Variants in ATP9B observed in about 807,000 individuals in gnomAD.
ATP9B encodes the protein probable phospholipid-transporting ATPase IIB.
Under a neutral mutation model 146.1 loss-of-function variants are expected in ATP9B, and 110 were observed. The ratio of observed to expected loss-of-function variants is 0.75; its 90% CI spans 0.65 to 0.88. The LOEUF (loss-of-function observed/expected upper bound fraction) is 0.88. ATP9B is among the 40% of genes least tolerant of loss of function. The pLI is 0.00. For missense variants in ATP9B, 1,499 were observed against 1,496.4 expected, an observed-to-expected ratio of 1.00 and a Z score of -0.03; for synonymous variants, 604 against 569.7, an observed-to-expected ratio of 1.06 and a Z score of -0.86.
chr18:79,121,523 A>T (rs1332436602), intron 4 of ATP9B, among the ~76,000 whole-genome samples: 1 of 152,188 alleles, frequency 6.6e-6, no homozygotes, highest in Admixed American at 6.5e-5. Context: ...CCATTTAAGA[A>T]CTCAGATCTA....
chr18:79,317,281 A>AT (rs1399823034), intron 15 of ATP9B, among the ~76,000 whole-genome samples: 1 of 152,174 alleles, frequency 6.6e-6, no homozygotes, highest in Non-Finnish European at 1.5e-5. Context: ...AGTAAAACTT[A>AT]TTTTTTTCAA....
At chr18:79,265,592 A>G (rs1002786643) in intron 12 of ATP9B, among the ~76,000 whole-genome samples, 8 of 150,376 alleles carry the variant, frequency 5.3e-5, no homozygotes, top group Non-Finnish European at 1.0e-4. Context: ...TGGATATTAA[A>G]CCTTTGTCAG....
At chr18:79,294,211 T>C (rs1299281835) in intron 13 of ATP9B, among the ~76,000 whole-genome samples, 1 of 152,238 alleles carries the variant, frequency 6.6e-6, no homozygotes, top group African/African-American at 2.4e-5. Flanking sequence ...TTTTTGCATT[T>C]AGAAATGCCA....
At chr18:79,295,605 A>G (rs2096542158) in intron 13 of ATP9B, among the ~76,000 whole-genome samples, 1 of 152,250 alleles carries the variant, frequency 6.6e-6, no homozygotes, top group Non-Finnish European at 1.5e-5. Context: ...CTTTATTCAC[A>G]ATGCAGTGAT....
At chr18:79,227,505 T>C (rs1600661448) in intron 11 of ATP9B, among the ~76,000 whole-genome samples, 1 of 152,138 alleles carries the variant, frequency 6.6e-6, no homozygotes, top group African/African-American at 2.4e-5. Flanking sequence ...GGTGGATGGG[T>C]AGATGGATGG....
intron 4 of ATP9B, among the ~76,000 whole-genome samples, chr18:79,121,050 T>C (rs953640506): frequency 6.6e-6 from 1 of 152,148 alleles, no homozygotes. Context: ...ATCTGTAAAT[T>C]AGAGGTAAAG....
intron 15 of ATP9B, among the ~76,000 whole-genome samples, chr18:79,311,574 G>A (rs563742389): frequency 6.6e-6 from 1 of 152,244 alleles, no homozygotes; most frequent in African/African-American, 2.4e-5. Flanking sequence ...TCTTTTTGTT[G>A]TTTAGTCAAG....
intron 8 of ATP9B, among the ~76,000 whole-genome samples, chr18:79,180,062 T>A (rs1042489423): frequency 1.3e-5 from 2 of 152,234 alleles, no homozygotes; most frequent in Non-Finnish European, 2.9e-5. Context: ...TTTTGTTCTT[T>A]ACTATTATAG....
chr18:79,261,688 T>C (rs2096143314), intron 12 of ATP9B, among the ~76,000 whole-genome samples: 1 of 152,200 alleles, frequency 6.6e-6, no homozygotes, highest in East Asian at 1.9e-4. Context: ...AGTCATTTTT[T>C]ACAAAATGCT....
chr18:79,193,193 C>T lies in ATP9B; in HGVS notation c.884C>T (p.Ser295Phe). The T allele has an allele frequency of 1.2e-6, 2 of 1,603,512 alleles. No homozygotes were observed. The highest frequency in any genetic ancestry group is 1.7e-6 in the Non-Finnish European group (2 of 1,172,640). The stretch of plus-strand genomic sequence containing the variant: ...TGTTCTGTATTCCAGGACCTTTTTT[C>T]TATCAGTGCTTATGTTTATGCTCAG... ...QQLPALGDLF[S>F]ISAYVYAQKP... is the part of the protein sequence containing the mutation. The change falls in exon 9 of 30, where the codon TCT becomes TTT. Residue 295 changes from serine to phenylalanine, a missense_variant. By Grantham distance (155) the Ser-to-Phe change is radical. Transcript: ENST00000426216.
intron 13 of ATP9B, among the ~76,000 whole-genome samples, chr18:79,281,589 A>G (rs2096377443): frequency 6.6e-6 from 1 of 152,266 alleles, no homozygotes. Context: ...AAGAAATTTT[A>G]AGAGAATGAC....
intron 19 of ATP9B, chr18:79,340,287 ATTC>A (rs1310022299): frequency 6.6e-6 from 1 of 152,170 alleles, no homozygotes; most frequent in Non-Finnish European, 1.5e-5. Flanking sequence ...TTTGCTCTTT[ATTC>A]TTTACATTAT....
chr18:79,295,288 T>C (rs2096539982), intron 13 of ATP9B, among the ~76,000 whole-genome samples: 1 of 152,240 alleles, frequency 6.6e-6, no homozygotes, highest in Non-Finnish European at 1.5e-5. Flanking sequence ...CAGAAATACA[T>C]TGGTCTAGCA....
chr18:79,337,191 G>A (rs1223950895), intron 18 of ATP9B, 88 bp from the exon 19 acceptor site: 3 of 1,515,398 alleles, frequency 2.0e-6, no homozygotes, highest in Non-Finnish European at 2.7e-6. Flanking sequence ...CTCCCCCTCT[G>A]TCCCCACAGC....
intron 13 of ATP9B, among the ~76,000 whole-genome samples, chr18:79,299,072 G>A (rs1387813681): frequency 6.6e-6 from 1 of 152,126 alleles, no homozygotes; most frequent in African/African-American, 2.4e-5. Context: ...CTTGATGCCT[G>A]CTGCCACATC....
chr18:79,273,884 A>G (rs2096280655), intron 12 of ATP9B, among the ~76,000 whole-genome samples: 2 of 152,232 alleles, frequency 1.3e-5, no homozygotes, highest in South Asian at 4.1e-4. Context: ...TTCCTGTAGC[A>G]TAAAACAGGT....
intron 23 of ATP9B, among the ~76,000 whole-genome samples, 178 bp from the exon 24 acceptor site, chr18:79,347,591 TC>T (rs916057814): frequency 2.6e-5 from 4 of 152,220 alleles, no homozygotes; most frequent in African/African-American, 9.6e-5. Flanking sequence ...TGGGGGCTCT[TC>T]CTGCCCCTGT....
chr18:79,085,651 T>C (rs891554107), intron 1 of ATP9B: 95 of 152,374 alleles, frequency 6.2e-4, no homozygotes, highest in African/African-American at 1.7e-3. Context: ...ATTCAACTTA[T>C]CTTTGCAGTT....
At chr18:79,179,644 G>A (rs1479635915) in intron 8 of ATP9B, among the ~76,000 whole-genome samples, 2 of 151,944 alleles carry the variant, frequency 1.3e-5, no homozygotes, top group African/African-American at 2.4e-5. Flanking sequence ...TTCTCTTATG[G>A]TCATAGAACA....
Sources: gnomAD v4.1 joint callset for allele counts (sites outside exome capture counted in the v4.1 genomes callset) on GRCh38, gnomAD v4.1.1 for gene constraint, MANE v1.5 for transcripts, NCBI Gene and HGNC (gene_info 2026-07-23, HGNC 2026-07-21) for gene names.